The following PTPRD variants were observed in gnomAD, a reference collection of about 807,000 sequenced individuals.
The protein encoded by PTPRD is protein tyrosine phosphatase receptor type D.
In PTPRD, 34 loss-of-function variants were observed where a neutral mutation model predicts 214.5. The observed-to-expected ratio is 0.16, with a 90% CI of 0.12 to 0.21. The LOEUF is 0.21. Ranked by LOEUF, PTPRD falls within the 10% of genes least tolerant of loss-of-function variation. The pLI is 1.00. For synonymous variants in PTPRD, 1,128 were observed against 845.7 expected, an observed-to-expected ratio of 1.33 and a Z score of -5.79; for missense variants, 2,545 against 2,398.7, an observed-to-expected ratio of 1.06 and a Z score of -1.27.
intron 44 of PTPRD, among the ~76,000 whole-genome samples, chr9:8,327,781 G>T (rs147827116): frequency 6.7e-6 from 1 of 149,008 alleles, no homozygotes; most frequent in South Asian, 2.1e-4. Context: ...ACCTCTGTAC[G>T]TAATGCCCTT....
At chr9:9,707,459 T>A (rs776521988) in intron 7 of PTPRD, among the ~76,000 whole-genome samples, 2 of 152,158 alleles carry the variant, frequency 1.3e-5, no homozygotes, top group Non-Finnish European at 2.9e-5. Flanking sequence ...TTGTTTTGAT[T>A]GAAAATGGCA....
chr9:8,787,537 T>C (rs1440359970), intron 11 of PTPRD, among the ~76,000 whole-genome samples: 3 of 152,000 alleles, frequency 2.0e-5, no homozygotes, highest in Non-Finnish European at 4.4e-5. Context: ...CTATATTGGT[T>C]AAAAAAAAGA....
chr9:10,590,691 G>A (rs2075219878), intron 2 of PTPRD, among the ~76,000 whole-genome samples: 1 of 151,812 alleles, frequency 6.6e-6, no homozygotes, highest in African/African-American at 2.4e-5. Flanking sequence ...TGGAAATACA[G>A]TAATTGCTTA....
At chr9:8,346,754 C>T (rs12682697) in intron 39 of PTPRD, among the ~76,000 whole-genome samples, 20,257 of 152,066 alleles carry the variant, frequency 0.13, 1,832 homozygotes, top group East Asian at 0.35. Context: ...AAAGCAGCTG[C>T]AAAGTGCTTC....
intron 5 of PTPRD, among the ~76,000 whole-genome samples, chr9:9,842,556 T>C (rs2058590096): frequency 6.6e-6 from 1 of 151,984 alleles, no homozygotes; most frequent in African/African-American, 2.4e-5. Context: ...AGACTAGATG[T>C]CAGTATTAAT....
At chr9:8,623,913 G>A (rs980969695) in intron 14 of PTPRD, among the ~76,000 whole-genome samples, 18 of 151,764 alleles carry the variant, frequency 1.2e-4, no homozygotes, top group Non-Finnish European at 2.4e-4. Flanking sequence ...ACGAATAAAC[G>A]AAAAAGCAAG....
At chr9:8,448,634 G>A (rs184693890) in intron 34 of PTPRD, among the ~76,000 whole-genome samples, 1 of 151,936 alleles carries the variant, frequency 6.6e-6, no homozygotes, top group East Asian at 1.9e-4. Flanking sequence ...TTTAAATACC[G>A]ACATTATGAT....
At chr9:9,802,673 A>G (rs1247014253) in intron 5 of PTPRD, among the ~76,000 whole-genome samples, 4 of 151,846 alleles carry the variant, frequency 2.6e-5, no homozygotes, top group Admixed American at 6.6e-5. Flanking sequence ...TCAACTCTCC[A>G]TACCCAGTAT....
At chr9:9,010,564 G>A (rs954197138) in intron 11 of PTPRD, among the ~76,000 whole-genome samples, 1 of 152,202 alleles carries the variant, frequency 6.6e-6, no homozygotes, top group African/African-American at 2.4e-5. Context: ...CAGTGCACAT[G>A]TTTTCACATG....
intron 20 of PTPRD, among the ~76,000 whole-genome samples, chr9:8,519,567 G>C (rs957522528): frequency 2.6e-5 from 4 of 152,108 alleles, no homozygotes; most frequent in Admixed American, 2.6e-4. Flanking sequence ...TAGAATGGCA[G>C]CTTTTCAAGA....
At chr9:8,347,956 T>C (rs540580676) in intron 39 of PTPRD, among the ~76,000 whole-genome samples, 16 of 152,234 alleles carry the variant, frequency 1.1e-4, no homozygotes, top group Non-Finnish European at 1.9e-4. Context: ...TATTTTGTTA[T>C]GGAAGCCCCA....
At chr9:10,348,998 G>A (rs1332734791) in intron 2 of PTPRD, among the ~76,000 whole-genome samples, 1 of 151,946 alleles carries the variant, frequency 6.6e-6, no homozygotes, top group African/African-American at 2.4e-5. Context: ...GCAGGTACAG[G>A]GGACATAGGA....
intron 3 of PTPRD, among the ~76,000 whole-genome samples, chr9:10,140,896 C>T (rs1012614818): frequency 1.3e-5 from 2 of 151,824 alleles, no homozygotes; most frequent in Non-Finnish European, 2.9e-5. Flanking sequence ...AAAAGCTTAT[C>T]CACCATGATC....
At chr9:8,450,259 G>C (rs1419176285) in intron 33 of PTPRD, among the ~76,000 whole-genome samples, 2 of 152,148 alleles carry the variant, frequency 1.3e-5, no homozygotes, top group Non-Finnish European at 1.5e-5. Flanking sequence ...AAGCTGAACA[G>C]CTAAATCTGT....
chr9:10,435,811 A>G (rs1214895726), intron 2 of PTPRD, among the ~76,000 whole-genome samples: 1 of 151,924 alleles, frequency 6.6e-6, no homozygotes, highest in East Asian at 1.9e-4. Context: ...AGGATGAGTT[A>G]TAAAAATCAG....
chr9:10,060,047 T>C (rs1189794919), intron 3 of PTPRD, among the ~76,000 whole-genome samples: 1 of 152,058 alleles, frequency 6.6e-6, no homozygotes, highest in Non-Finnish European at 1.5e-5. Flanking sequence ...GTTAGATGCT[T>C]CCGATATTCT....
At chr9:9,966,517 G>A (rs2094712126) in intron 4 of PTPRD, among the ~76,000 whole-genome samples, 1 of 151,760 alleles carries the variant, frequency 6.6e-6, no homozygotes, top group South Asian at 2.1e-4. Context: ...TCCATAAAAG[G>A]CTGAGCTATT....
At chr9:10,019,745 G>A (rs1337572609) in intron 4 of PTPRD, among the ~76,000 whole-genome samples, 1 of 150,192 alleles carries the variant, frequency 6.7e-6, no homozygotes, top group Non-Finnish European at 1.5e-5. Context: ...CACGGACACA[G>A]GAAGGGGAAC....
intron 8 of PTPRD, among the ~76,000 whole-genome samples, chr9:9,411,218 T>C (rs1436983358): frequency 6.6e-6 from 1 of 150,644 alleles, no homozygotes; most frequent in African/African-American, 2.4e-5. Flanking sequence ...TATATTAGAG[T>C]TTGCAATAAA....
Sources: gnomAD v4.1 joint callset for allele counts (sites outside exome capture counted in the v4.1 genomes callset) on GRCh38, gnomAD v4.1.1 for gene constraint, MANE v1.5 for transcripts, NCBI Gene and HGNC (gene_info 2026-07-23, HGNC 2026-07-21) for gene names.